Variants in TNS1 observed in about 807,000 individuals in gnomAD.
TNS1 encodes the protein tensin 1.
A neutral mutation model predicts 168.6 loss-of-function variants in TNS1; 62 were observed. That is an observed-to-expected ratio of 0.37 (90% CI 0.30 to 0.45). The LOEUF is 0.45. Among genes scored for constraint, TNS1 ranks in the 20% least tolerant of loss-of-function variants. The pLI is 1.00. For missense variants in TNS1, 2,240 were observed against 2,339.4 expected, an observed-to-expected ratio of 0.96 and a Z score of 0.88; for synonymous variants, 934 against 933.2, an observed-to-expected ratio of 1.00 and a Z score of -0.02.
chr2:217,958,182 G>T (rs1453663403), intron 3 of TNS1, among the ~76,000 whole-genome samples: 1 of 152,062 alleles, frequency 6.6e-6, no homozygotes, highest in African/African-American at 2.4e-5. Context: ...CTATCACTTA[G>T]AATACATAAA....
intron 2 of TNS1, among the ~76,000 whole-genome samples, chr2:217,990,685 C>G (rs1292737791): frequency 1.3e-5 from 2 of 152,230 alleles, no homozygotes; most frequent in African/African-American, 4.8e-5. Context: ...CGCATGACAC[C>G]CATATACCTT....
At chr2:217,924,489 A>G (rs1162895528) in intron 3 of TNS1, among the ~76,000 whole-genome samples, 1 of 152,246 alleles carries the variant, frequency 6.6e-6, no homozygotes, top group Non-Finnish European at 1.5e-5. Flanking sequence ...TTATCCGTCA[A>G]ACTAGTCCAG....
intron 3 of TNS1, among the ~76,000 whole-genome samples, chr2:217,971,811 T>C (rs1045281127): frequency 3.3e-5 from 5 of 152,230 alleles, no homozygotes; most frequent in African/African-American, 1.2e-4. Flanking sequence ...GTGATTCTAA[T>C]GTGCAGACAA....
chr2:217,818,214 C>T lies in TNS1; in HGVS notation c.4118G>A (p.Ser1373Asn). The change falls in exon 24 of 33, where the codon AGT (serine) becomes AAT (asparagine). Residue 1373 changes from serine (S) to asparagine (N), a missense_variant. By Grantham distance (46) the Ser-to-Asn change is conservative (BLOSUM62 1). Coordinates refer to ENST00000682258, the MANE Select transcript of TNS1 (RefSeq NM_001387777.1). ...LHNKVATTPG[S>N]PSLGRHPGAH... ...CCCAGGGTGCCGGCCCAGGCTGGGA[C>T]TCCCCGGGGTGGTGGCCACTTTGTT... 1 of 1,613,862 alleles carries T rather than the reference C, an allele frequency of 6.2e-7. No individual in the cohort carries two copies. Among genetic ancestry groups the T allele is most frequent in the Non-Finnish European group, 8.5e-7 (1 of 1,179,886 alleles).
At position 218,033,948 on chromosome 2, in the gene TNS1, A is replaced by G. The variant is rs961910614; in HGVS notation, c.28T>C (p.Cys10Arg). 3.9e-5 allele frequency among the ~76,000 whole-genome samples: 6 copies of G among 152,168 alleles called. No homozygotes were observed. The highest frequency in any genetic ancestry group is 8.8e-5 in the Non-Finnish European group (6 of 68,016). ...AGTGGTCCGGGCCGCAGCTCTTCGC[A>G]GCACACCAGGCTCACAGTGCAGCCC... Residue 10 changes from cysteine (C) to arginine (R), a missense_variant, in exon 1 of 2, where the codon TGC becomes CGC. Transcript: ENST00000649572. The surrounding 1 kb of genome is among the most constrained non-coding windows in gnomAD (Gnocchi z 4.3).
chr2:217,970,132 G>C (rs1347321453), intron 3 of TNS1, among the ~76,000 whole-genome samples: 2 of 152,196 alleles, frequency 1.3e-5, no homozygotes, highest in African/African-American at 2.4e-5. Flanking sequence ...AAGATCGCTG[G>C]AAACCTCCAG....
At chr2:217,883,946 G>A (rs1950923281) in intron 16 of TNS1, among the ~76,000 whole-genome samples, 1 of 152,192 alleles carries the variant, frequency 6.6e-6, no homozygotes, top group Non-Finnish European at 1.5e-5. Flanking sequence ...TCTGCTCCAT[G>A]GGACACCTAT....
At chr2:217,863,600 A>G (rs1948995184) in intron 18 of TNS1, among the ~76,000 whole-genome samples, 1 of 152,142 alleles carries the variant, frequency 6.6e-6, no homozygotes, top group Non-Finnish European at 1.5e-5. Context: ...CTTGGGTTTC[A>G]ACCCCATCTG....
At chr2:217,893,338 A>C in intron 10 of TNS1, 101 bp downstream of exon 10, 1 of 1,462,742 alleles carries the variant, frequency 6.8e-7, no homozygotes, top group Non-Finnish European at 9.0e-7. Flanking sequence ...AGATATAGGC[A>C]GGTACACACA....
At chr2:218,015,927 G>A (rs1199827723) in intron 1 of TNS1, among the ~76,000 whole-genome samples, 2 of 152,224 alleles carry the variant, frequency 1.3e-5, no homozygotes, top group African/African-American at 4.8e-5. Context: ...GGAGCTGGGC[G>A]CTGGGTCTGA....
chr2:217,937,260 G>A (rs1956663237), intron 3 of TNS1: 1 of 347,976 alleles, frequency 2.9e-6, no homozygotes, highest in African/African-American at 2.1e-5. Context: ...ACTGGCATAG[G>A]GTGGATGCCC....
chr2:217,927,901 A>C (rs1956117112), intron 3 of TNS1, among the ~76,000 whole-genome samples: 1 of 152,314 alleles, frequency 6.6e-6, no homozygotes, highest in Non-Finnish European at 1.5e-5. Context: ...TCCAGAAAAA[A>C]TCCAGACAAT....
chr2:218,027,527 T>C (rs1327929105), intron 1 of TNS1, among the ~76,000 whole-genome samples: 1 of 152,022 alleles, frequency 6.6e-6, no homozygotes, highest in Admixed American at 6.5e-5. Context: ...TGTCGCCTCC[T>C]CTGGGAGGGC....
rs141371729 is a variant in TNS1 at position 217,927,309 on chromosome 2, G to A, written c.187-7073C>T. 9.7e-4 allele frequency among the ~76,000 whole-genome samples: 148 copies of A among 152,330 alleles called. 1 individual carries two copies. Among genetic ancestry groups the A allele is most frequent in the South Asian group, 3.5e-3 (17 of 4,832 alleles). ...GGGACACAGGATGGGTGAAGGAAAG[G>A]AAGAGGAGCATTGAAGCAGGCATTG... On this transcript the variant is annotated intron_variant, in intron 3 of 32. Coordinates refer to ENST00000682258, the MANE Select transcript of TNS1 (RefSeq NM_001387777.1).
At position 217,813,771 on chromosome 2, in the gene TNS1, C is replaced by A; in HGVS notation, c.4775G>T (p.Arg1592Leu). ...CGCGCCTCGGAAGGAGTGACTGTCG[C>A]GGATGATGAAGGCCCCCGGCTCCTG... ...KDQEPGAFII[R>L]DSHSFRGAYG... Residue 1592 changes from arginine to leucine, a missense_variant, in exon 26 of 33, where the codon CGC becomes CTC. Coordinates refer to ENST00000682258, the MANE Select transcript of TNS1 (RefSeq NM_001387777.1). The surrounding 1 kb of genome is among the most constrained non-coding windows in gnomAD (Gnocchi z 4.0). 1 of 1,613,892 alleles carries A rather than the reference C, an allele frequency of 6.2e-7. No homozygotes were observed. Among genetic ancestry groups the A allele is most frequent in the Non-Finnish European group, 8.5e-7 (1 of 1,179,872 alleles).
chr2:217,812,429 C>G lies in TNS1; in HGVS notation c.4971G>C (p.Leu1657=), dbSNP rs556169918. ...NEPNFGSLSA[L]VYQHSIIPLA... ...ATGGGATGATGGAGTGCTGGTAGACCAGGGCAGACAGCGATCCTGTAGGGA... is the reference window on the plus strand; with the variant it reads ...ATGGGATGATGGAGTGCTGGTAGACGAGGGCAGACAGCGATCCTGTAGGGA... Residue 1657 remains leucine, a synonymous_variant, in exon 28 of 33, where the codon CTG becomes CTC. Coordinates refer to ENST00000682258, the MANE Select transcript of TNS1 (RefSeq NM_001387777.1). 1.1e-5 allele frequency: 18 copies of G among 1,614,060 alleles called. No individual in the cohort carries two copies. In the South Asian group the frequency reaches 1.6e-4, roughly 15 times the overall value.
intron 32 of TNS1, 122 bp from the exon 33 acceptor site, chr2:217,804,725 C>G: frequency 1.5e-6 from 2 of 1,300,178 alleles, no homozygotes; most frequent in Non-Finnish European, 2.1e-6. Context: ...CTCCAGCAGG[C>G]CTCAGCATCA....
upstream of TNS1, among the ~76,000 whole-genome samples, chr2:218,015,077 TCCACTCCACACACCC>T (rs1958746016): frequency 6.6e-6 from 1 of 152,154 alleles, no homozygotes; most frequent in African/African-American, 2.4e-5. Flanking sequence ...TTTAGGCACC[TCCACTCCACACACCC>T]CCTGGTGAGA....
At chr2:218,007,790 C>A (rs1321778718), upstream of TNS1, among the ~76,000 whole-genome samples, 1 of 152,154 alleles carries the variant, frequency 6.6e-6, no homozygotes, top group Non-Finnish European at 1.5e-5. Context: ...TACACCTCAG[C>A]CTCTGAGTCC....
Sources: allele counts gnomAD v4.1 joint callset (sites outside exome capture counted in the v4.1 genomes callset), GRCh38; gene constraint gnomAD v4.1.1; non-coding constraint Gnocchi (gnomAD v3.1); transcripts MANE v1.5; gene names NCBI Gene and HGNC (gene_info 2026-07-23, HGNC 2026-07-21).